The following CDH12 variants were observed in gnomAD, a reference collection of about 807,000 sequenced individuals.
CDH12 encodes cadherin 12.
In CDH12, 41 loss-of-function variants were observed where a neutral mutation model predicts 74.1. The observed-to-expected ratio is 0.55, with a 90% CI of 0.43 to 0.72. CDH12 has a LOEUF of 0.72. CDH12 is among the 30% of genes least tolerant of loss of function. The pLI is 0.00. For missense variants in CDH12, 945 were observed against 977.2 expected, an observed-to-expected ratio of 0.97 and a Z score of 0.44; for synonymous variants, 399 against 355.0, an observed-to-expected ratio of 1.12 and a Z score of -1.39.
chr5:22,454,457 T>C (rs528816623), intron 2 of CDH12, among the ~76,000 whole-genome samples: 1 of 151,506 alleles, frequency 6.6e-6, no homozygotes, highest in Admixed American at 6.7e-5. Flanking sequence ...CACCATAAAC[T>C]GGGTGGCTTA....
At chr5:21,789,438 T>C (rs536882979) in intron 10 of CDH12, among the ~76,000 whole-genome samples, 2 of 152,258 alleles carry the variant, frequency 1.3e-5, no homozygotes, top group South Asian at 4.1e-4. Flanking sequence ...CAAGTTTTAG[T>C]AGCTTTTCTT....
intron 1 of CDH12, among the ~76,000 whole-genome samples, chr5:22,711,570 G>A (rs114038738): frequency 6.6e-6 from 1 of 152,062 alleles, no homozygotes; most frequent in East Asian, 1.9e-4. Flanking sequence ...ACCAGGTCTT[G>A]TCATAAATAA....
intron 1 of CDH12, among the ~76,000 whole-genome samples, chr5:22,809,155 C>G (rs1748985614): frequency 6.6e-6 from 1 of 150,686 alleles, no homozygotes; most frequent in South Asian, 2.1e-4. Flanking sequence ...AGTATTGAGA[C>G]TGAGGTGACT....
intron 3 of CDH12, among the ~76,000 whole-genome samples, chr5:22,319,421 G>A (rs1358249319): frequency 6.6e-6 from 1 of 152,150 alleles, no homozygotes; most frequent in Non-Finnish European, 1.5e-5. Context: ...AGGCAACGCA[G>A]TTTACACAGA....
chr5:22,320,908 T>C (rs1417470916), intron 3 of CDH12, among the ~76,000 whole-genome samples: 1 of 152,198 alleles, frequency 6.6e-6, no homozygotes, highest in East Asian at 1.9e-4. Context: ...AGAACATATT[T>C]TGAATAATAA....
Position 22,288,485 on chromosome 5 carries a change from T to C in CDH12, c.-332-75842A>G, listed in dbSNP as rs533419137. 5.9e-5 allele frequency among the ~76,000 whole-genome samples: 9 copies of C among 152,304 alleles called. No homozygotes were observed. In the South Asian group the frequency reaches 1.9e-3, roughly 32 times the overall value. ...ATATGTGTGTGTATGTACCTATATG[T>C]GTGCATGTCCGTATCTGATCTATTT... On this transcript the variant is annotated intron_variant, in intron 3 of 14. Transcript: ENST00000382254.
At chr5:21,970,630 A>G (rs1025442200) in intron 6 of CDH12, among the ~76,000 whole-genome samples, 1 of 151,738 alleles carries the variant, frequency 6.6e-6, no homozygotes, top group African/African-American at 2.4e-5. Context: ...ACTTGAGTTC[A>G]GGAGTTCGAG....
At chr5:22,703,895 C>T (rs1742847765) in intron 1 of CDH12, among the ~76,000 whole-genome samples, 1 of 152,120 alleles carries the variant, frequency 6.6e-6, no homozygotes, top group Admixed American at 6.6e-5. Context: ...TGTATACATG[C>T]TGTTTTTTAT....
At chr5:22,759,856 G>A (rs988019568) in intron 1 of CDH12, among the ~76,000 whole-genome samples, 19 of 152,266 alleles carry the variant, frequency 1.2e-4, no homozygotes, top group African/African-American at 4.3e-4. Context: ...GGCAAGCTGG[G>A]AACTCAGAGA....
intron 1 of CDH12, among the ~76,000 whole-genome samples, chr5:22,528,124 C>T (rs1737372189): frequency 6.6e-6 from 1 of 152,090 alleles, no homozygotes; most frequent in Admixed American, 6.6e-5. Context: ...TAGTTAGAGG[C>T]CTAGAAGCAA....
At chr5:21,949,954 C>T (rs550649802) in intron 6 of CDH12, among the ~76,000 whole-genome samples, 9 of 152,176 alleles carry the variant, frequency 5.9e-5, no homozygotes, top group African/African-American at 1.2e-4. Flanking sequence ...TACAATGATG[C>T]CCTAGGCATT....
intron 1 of CDH12, among the ~76,000 whole-genome samples, chr5:22,544,540 G>T (rs1006877834): frequency 6.6e-6 from 1 of 152,100 alleles, no homozygotes; most frequent in Admixed American, 6.6e-5. Flanking sequence ...CTGTTGCCAG[G>T]CATGGTGGCT....
chr5:22,801,484 T>G (rs368019511), intron 1 of CDH12, among the ~76,000 whole-genome samples: 1 of 151,832 alleles, frequency 6.6e-6, no homozygotes, highest in African/African-American at 2.4e-5. Flanking sequence ...TAGATTGCTT[T>G]TCAATTATCT....
At chr5:22,351,794 A>G (rs1183663624) in intron 3 of CDH12, among the ~76,000 whole-genome samples, 1 of 152,098 alleles carries the variant, frequency 6.6e-6, no homozygotes, top group Non-Finnish European at 1.5e-5. Context: ...AGGCAAGAAC[A>G]TTTTTCTTGT....
At chr5:21,931,585 T>G (rs1424614410) in intron 6 of CDH12, among the ~76,000 whole-genome samples, 1 of 152,166 alleles carries the variant, frequency 6.6e-6, no homozygotes, top group East Asian at 1.9e-4. Context: ...TAACTGACTT[T>G]CAGGTTAACA....
intron 2 of CDH12, among the ~76,000 whole-genome samples, chr5:22,444,322 A>G (rs1744736878): frequency 6.6e-6 from 1 of 152,078 alleles, no homozygotes; most frequent in Admixed American, 6.6e-5. Context: ...TTAAAACATT[A>G]ATTCTCATAG....
At chr5:22,044,144 AT>A (rs1459692771) in intron 5 of CDH12, among the ~76,000 whole-genome samples, 1 of 152,212 alleles carries the variant, frequency 6.6e-6, no homozygotes, top group Non-Finnish European at 1.5e-5. Context: ...CTTGAGCAAA[AT>A]GAACAAGCTG....
chr5:22,727,079 C>A (rs1033550582), intron 1 of CDH12, among the ~76,000 whole-genome samples: 2 of 151,646 alleles, frequency 1.3e-5, no homozygotes, highest in South Asian at 2.1e-4. Context: ...AATAGGAGTA[C>A]AAGGCATTTG....
At chr5:22,598,384 G>T (rs760209460) in intron 1 of CDH12, among the ~76,000 whole-genome samples, 1 of 152,062 alleles carries the variant, frequency 6.6e-6, no homozygotes, top group Non-Finnish European at 1.5e-5. Context: ...AAGTGAGTTC[G>T]CATGAGATCT....
Sources: allele counts gnomAD v4.1 joint callset (sites outside exome capture counted in the v4.1 genomes callset), GRCh38; gene constraint gnomAD v4.1.1; transcripts MANE v1.5; gene names NCBI Gene and HGNC (gene_info 2026-07-23, HGNC 2026-07-21).